AGAP1: variants seen among roughly 807,000 people sequenced by gnomAD.
AGAP1 encodes the protein arf-GAP with GTPase, ANK repeat and PH domain-containing protein 1.
Under a neutral mutation model 105.3 loss-of-function variants are expected in AGAP1, and 29 were observed. The observed-to-expected ratio is 0.28, with a 90% CI of 0.21 to 0.38. The LOEUF (loss-of-function observed/expected upper bound fraction) is 0.38. AGAP1 is among the 10% of genes least tolerant of loss of function. AGAP1 has a pLI of 1.00. For missense variants in AGAP1, 998 were observed against 1,165.1 expected, an observed-to-expected ratio of 0.86 and a Z score of 2.09; for synonymous variants, 509 against 485.9, an observed-to-expected ratio of 1.05 and a Z score of -0.63.
chr2:235,845,872 C>A lies in AGAP1; in HGVS notation c.1051-37473C>A, dbSNP rs957739810. ...GTGTTTGGGCCTCCTCACTGGTTTC[C>A]AACCTTCAGTCTGTAGCCCTCAGAT... On this transcript the variant is annotated intron_variant, in intron 9 of 17. Coordinates refer to ENST00000304032, the MANE Select transcript of AGAP1 (RefSeq NM_001037131.3). This position sits in a 1 kb window ranked among gnomAD's most constrained non-coding sequence, Gnocchi z 4.8. Among the ~76,000 whole-genome samples the A allele has an allele frequency of 6.6e-6, 1 of 152,010 alleles. No individual in the cohort carries two copies. Among genetic ancestry groups the A allele is most frequent in the Non-Finnish European group, 1.5e-5 (1 of 68,020 alleles).
Position 235,905,878 on chromosome 2 carries a change from C to T in AGAP1, c.1156-2860C>T, listed in dbSNP as rs2051280860. ...GCCGCTTCCAGCTCTAGCTTTCCTT[C>T]CATCTAGTTTAACAGAGTTAATTCA... On this transcript the variant is annotated intron_variant, in intron 10 of 17. Transcript: ENST00000304032. This position sits in a 1 kb window ranked among gnomAD's most constrained non-coding sequence, Gnocchi z 4.2. Among the ~76,000 whole-genome samples, 1 of 152,236 alleles carries T rather than the reference C, an allele frequency of 6.6e-6. No individual in the cohort carries two copies. Among genetic ancestry groups the T allele is most frequent in the Non-Finnish European group, 1.5e-5 (1 of 68,048 alleles).
chr2:235,528,340 A>C (rs1942921924), intron 1 of AGAP1, among the ~76,000 whole-genome samples: 1 of 150,220 alleles, frequency 6.7e-6, no homozygotes, highest in Non-Finnish European at 1.5e-5. Flanking sequence ...CCATCTGTGC[A>C]CTCAGGCCCC....
intron 1 of AGAP1, among the ~76,000 whole-genome samples, chr2:235,703,955 G>A (rs985688944): frequency 6.6e-6 from 1 of 152,152 alleles, no homozygotes; most frequent in African/African-American, 2.4e-5. Context: ...GATTACAGGG[G>A]TGAGCCACCT....
chr2:235,677,712 C>A (rs13429013), intron 1 of AGAP1, among the ~76,000 whole-genome samples: 1 of 151,634 alleles, frequency 6.6e-6, no homozygotes, highest in East Asian at 1.9e-4. Flanking sequence ...GCGAGGGTTT[C>A]TTTGAGCCGG....
chr2:236,111,441 A>C (rs1206843633), intron 16 of AGAP1, among the ~76,000 whole-genome samples: 1 of 152,038 alleles, frequency 6.6e-6, no homozygotes, highest in Non-Finnish European at 1.5e-5. Flanking sequence ...ACTTGAGCCC[A>C]AAGCAATCCA....
chr2:235,671,743 G>T (rs933004920), intron 1 of AGAP1, among the ~76,000 whole-genome samples: 1 of 152,212 alleles, frequency 6.6e-6, no homozygotes, highest in African/African-American at 2.4e-5. Flanking sequence ...CAGGAAAACC[G>T]CAGCCCTGCA....
chr2:235,735,738 A>G (rs1952209796), intron 3 of AGAP1, among the ~76,000 whole-genome samples: 1 of 151,866 alleles, frequency 6.6e-6, no homozygotes, highest in African/African-American at 2.4e-5. Flanking sequence ...TAAGACCTCG[A>G]CTCGCTTATG....
At chr2:236,112,546 C>G (rs2059675228) in intron 16 of AGAP1, among the ~76,000 whole-genome samples, 1 of 152,184 alleles carries the variant, frequency 6.6e-6, no homozygotes, top group Non-Finnish European at 1.5e-5. Context: ...TTCACTCTGC[C>G]TTGGTTCTGT....
intron 10 of AGAP1, among the ~76,000 whole-genome samples, chr2:235,907,119 C>T (rs2051344288): frequency 6.6e-6 from 1 of 152,216 alleles, no homozygotes; most frequent in Non-Finnish European, 1.5e-5. Context: ...CAGCAGCTTC[C>T]TCAATACACT....
chr2:235,713,606 T>C (rs1950956196), intron 2 of AGAP1, among the ~76,000 whole-genome samples: 1 of 152,226 alleles, frequency 6.6e-6, no homozygotes, highest in African/African-American at 2.4e-5. Context: ...CACACTGATG[T>C]TTCCAAAATA....
At chr2:235,926,594 T>C (rs1232683428) in intron 11 of AGAP1, among the ~76,000 whole-genome samples, 4 of 152,262 alleles carry the variant, frequency 2.6e-5, no homozygotes, top group Non-Finnish European at 5.9e-5. Context: ...CAAAATACTT[T>C]TGTTTTCTTT....
chr2:235,891,609 C>T lies in AGAP1; in HGVS notation c.1155+8160C>T, dbSNP rs1005086916. 2.6e-5 allele frequency among the ~76,000 whole-genome samples: 4 copies of T among 152,180 alleles called. No individual in the cohort carries two copies. The South Asian group carries it at 6.2e-4, about 24-fold the overall frequency. On this transcript the variant is annotated intron_variant, in intron 10 of 17. Coordinates refer to ENST00000304032, the MANE Select transcript of AGAP1 (RefSeq NM_001037131.3). The surrounding 1 kb of genome is among the most constrained non-coding windows in gnomAD (Gnocchi z 4.2). ...TTCATCTTCCATGTCGCAAGCACGG[C>T]CGTCGAGTGCAAGGCTGCAATTCCC... is the stretch of plus-strand genomic sequence containing the variant.
Position 235,690,833 on chromosome 2 carries a change from A to G in AGAP1, c.164-18346A>G, listed in dbSNP as rs1949701593. 6.6e-6 allele frequency among the ~76,000 whole-genome samples: 1 copy of G among 152,106 alleles called. No individual in the cohort carries two copies. Among genetic ancestry groups the G allele is most frequent in the Non-Finnish European group, 1.5e-5 (1 of 68,030 alleles). ...ATTTATTTTTTTCTCCAGTCTAGTCATAGTATTGGTTTCGAGAAGTCAAAA... is the reference window on the plus strand; with the variant it reads ...ATTTATTTTTTTCTCCAGTCTAGTCGTAGTATTGGTTTCGAGAAGTCAAAA... On this transcript the variant is annotated intron_variant, in intron 1 of 17. Coordinates refer to ENST00000304032, the MANE Select transcript of AGAP1 (RefSeq NM_001037131.3). The surrounding 1 kb of genome is among the most constrained non-coding windows in gnomAD (Gnocchi z 4.1).
At position 236,087,400 on chromosome 2, in the gene AGAP1, C is replaced by T. The variant is rs1310698220; in HGVS notation, c.2115-32792C>T. 6.6e-6 allele frequency among the ~76,000 whole-genome samples: 1 copy of T among 152,208 alleles called. No individual in the cohort carries two copies. The highest frequency in any genetic ancestry group is 6.5e-5 in the Admixed American group (1 of 15,288). On this transcript the variant is annotated intron_variant, in intron 16 of 17. Transcript: ENST00000304032. The surrounding 1 kb of genome is among the most constrained non-coding windows in gnomAD (Gnocchi z 5.7). ...CTGCTCCAAGGACAGACAACCTCGT[C>T]TTGCAGGATCATTTACCTTTTATAT...
rs771462060 is a variant in AGAP1, at chr2:235,799,458, C to T, written c.893C>T (p.Pro298Leu). 1 of 1,614,198 alleles carries T rather than the reference C, an allele frequency of 6.2e-7. No individual in the cohort carries two copies. Among genetic ancestry groups the T allele is most frequent in the South Asian group, 1.1e-5 (1 of 91,076 alleles). ...TSQKELRIDV[P>L]PTANTPTPVR... ...CAGAAGGAACTTCGGATCGATGTTC[C>T]TCCCACTGCCAACACGCCCACGCCC... Residue 298 changes from proline (P) to leucine (L), a missense_variant, in exon 8 of 18, where the codon CCT (proline) becomes CTT (leucine). Pro to Leu is a moderately conservative substitution (Grantham distance 98). This residue lies in a region of AGAP1 where 735 missense variants were observed against 833.4 expected (regional missense o/e 0.88). Transcript: ENST00000304032. This position sits in a 1 kb window ranked among gnomAD's most constrained non-coding sequence, Gnocchi z 5.0.
Position 235,807,254 on chromosome 2 carries a change from G to T in AGAP1, c.973G>T (p.Asp325Tyr), listed in dbSNP as rs773738495. ...TGCTTTGCAGTCTCGGAAAGGGAGCGACCCAGACAAAGAGAAGAAAGGCCT... is the reference window on the plus strand; with the variant it reads ...TGCTTTGCAGTCTCGGAAAGGGAGCTACCCAGACAAAGAGAAGAAAGGCCT... ...SNLFTSRKGS[D>Y]PDKEKKGLES... The change falls in exon 9 of 18, where the codon GAC (aspartate) becomes TAC (tyrosine). Residue 325 changes from aspartate to tyrosine, a missense_variant. Coordinates refer to ENST00000304032, the MANE Select transcript of AGAP1 (RefSeq NM_001037131.3). The T allele has an allele frequency of 1.9e-6, 3 of 1,610,646 alleles. No individual in the cohort carries two copies. The highest frequency in any genetic ancestry group is 1.7e-6 in the Non-Finnish European group (2 of 1,179,106).
rs914947374 is a variant in AGAP1 at position 235,669,487 on chromosome 2, ACGCCGCCGCGCTCGCCGCCGCCGC to A, written c.164-39678_164-39655del. The A allele has an allele frequency of 4.6e-3, 712 of 153,386 alleles. 6 individuals carry two copies. Among genetic ancestry groups the A allele is most frequent in the Non-Finnish European group, 6.4e-3 (443 of 69,482 alleles). The allele number at this position is 153,386 out of a possible 1,614,324, so 9.5% of individuals were successfully genotyped here. A position where few individuals can be genotyped will look rare whatever the true frequency, so the allele number is the denominator to read the frequency against. ...GATCCATCCCGGCGCTTGGGCCTGC[ACGCCGCCGCGCTCGCCGCCGCCGC>A]CGCCGCCGCGCTCCCGGGACTCGGC... is the stretch of plus-strand genomic sequence containing the variant. On this transcript the variant is annotated intron_variant, in intron 1 of 17. Transcript: ENST00000304032.
rs140136801 is a variant in AGAP1, at chr2:236,056,566, A to G, written c.2114+7285A>G. 9.6e-4 allele frequency among the ~76,000 whole-genome samples: 146 copies of G among 152,264 alleles called. No individual in the cohort carries two copies. The highest frequency in any genetic ancestry group is 3.4e-3 in the Middle Eastern group (1 of 294). ...AACCTTTTTAGGCTTGAATTATATA[A>G]CATGGGCCAATAAATATGGCCTCTA... On this transcript the variant is annotated intron_variant, in intron 16 of 17. Transcript: ENST00000304032. This position sits in a 1 kb window ranked among gnomAD's most constrained non-coding sequence, Gnocchi z 4.6.
At chr2:235,661,820 A>G (rs1028758081) in intron 1 of AGAP1, among the ~76,000 whole-genome samples, 1 of 152,190 alleles carries the variant, frequency 6.6e-6, no homozygotes, top group Non-Finnish European at 1.5e-5. Flanking sequence ...TGTCTGGAGT[A>G]GACAGTGATA....
Sources: allele counts gnomAD v4.1 joint callset (sites outside exome capture counted in the v4.1 genomes callset), GRCh38; gene constraint gnomAD v4.1.1; regional missense constraint gnomAD v4.1.1; non-coding constraint Gnocchi (gnomAD v3.1); transcripts MANE v1.5; gene names NCBI Gene and HGNC (gene_info 2026-07-23, HGNC 2026-07-21).